Variants in SYNDIG1L observed in about 807,000 individuals in gnomAD.
SYNDIG1L encodes synapse differentiation inducing 1 like.
In SYNDIG1L, 13 loss-of-function variants were observed where a neutral mutation model predicts 20.1. The observed-to-expected ratio is 0.65, with a 90% confidence interval of 0.42 to 1.03. The LOEUF (loss-of-function observed/expected upper bound fraction) is 1.03, where lower values mean the gene tolerates loss of function less well. Among genes scored for constraint, SYNDIG1L ranks in the 50% least tolerant of loss-of-function variants. SYNDIG1L has a pLI of 0.00. For synonymous variants in SYNDIG1L, 128 were observed against 129.3 expected, an observed-to-expected ratio of 0.99 and a Z score of 0.07; for missense variants, 294 against 305.1, an observed-to-expected ratio of 0.96 and a Z score of 0.27.
chr14:74,468,000 G>A, the SYNDIG1L span, among the ~76,000 whole-genome samples: 2 of 152,100 alleles, frequency 1.3e-5, no homozygotes, highest in East Asian at 3.9e-4. Context: ...GTGCAGCTTA[G>A]AGTGAGATCC....
rs115113486 is a variant in SYNDIG1L, at chr14:74,421,110, A to G, written c.-58+4802T>C. On this transcript the variant is annotated intron_variant, in intron 1 of 3. Transcript: ENST00000331628. ...TCAAGTTACAGAAAAAAAACTTTGA[A>G]AAAAAATTTTTTGAATTCATATCCT... is the stretch of plus-strand genomic sequence containing the variant. Among the ~76,000 whole-genome samples, 805 of 152,342 alleles carry G rather than the reference A, an allele frequency of 5.3e-3. 5 individuals carry two copies. The highest frequency in any genetic ancestry group is 0.018 in the African/African-American group (767 of 41,588).
At chr14:74,451,863 G>A in the SYNDIG1L span, among the ~76,000 whole-genome samples, 409 of 151,660 alleles carry the variant, frequency 2.7e-3, 4 homozygotes, top group South Asian at 0.018. Context: ...GGTGGCACGC[G>A]TCTATAGTCC....
the SYNDIG1L span, chr14:74,474,732 T>A: frequency 6.6e-6 from 1 of 152,278 alleles, no homozygotes; most frequent in Non-Finnish European, 1.5e-5. Context: ...GCCCTGGCCC[T>A]GCTCTGGAGC....
the SYNDIG1L span, chr14:74,474,623 T>C: frequency 6.6e-6 from 1 of 152,332 alleles, no homozygotes; most frequent in Non-Finnish European, 1.5e-5. Flanking sequence ...GGAGGAGCCA[T>C]TTCTGCCTGA....
chr14:74,437,191 C>T, the SYNDIG1L span, among the ~76,000 whole-genome samples: 1 of 152,220 alleles, frequency 6.6e-6, no homozygotes, highest in Non-Finnish European at 1.5e-5. Context: ...GCTCTGATGT[C>T]CTGGGACCTC....
At chr14:74,455,394 CTTTTTTTTT>C in the SYNDIG1L span, among the ~76,000 whole-genome samples, 2 of 123,770 alleles carry the variant, frequency 1.6e-5, no homozygotes, top group African/African-American at 6.4e-5. Flanking sequence ...CTTCCCCAAT[CTTTTTTTTT>C]TTTTTTTTTT....
At chr14:74,437,883 C>A in the SYNDIG1L span, among the ~76,000 whole-genome samples, 209 of 152,264 alleles carry the variant, frequency 1.4e-3, no homozygotes, top group Admixed American at 4.5e-3. Flanking sequence ...TACTATAGGG[C>A]CCCCAAACCT....
the SYNDIG1L span, among the ~76,000 whole-genome samples, chr14:74,467,375 G>C: frequency 6.6e-6 from 1 of 152,142 alleles, no homozygotes; most frequent in Non-Finnish European, 1.5e-5. Flanking sequence ...GGGCTGAGAA[G>C]GGGCAATGTC....
the SYNDIG1L span, among the ~76,000 whole-genome samples, chr14:74,433,791 A>C: frequency 8.5e-5 from 13 of 152,332 alleles, no homozygotes; most frequent in African/African-American, 2.4e-4. Context: ...ATGGCTTGTA[A>C]GGACAGAGCC....
At chr14:74,442,928 G>A in the SYNDIG1L span, among the ~76,000 whole-genome samples, 324 of 152,340 alleles carry the variant, frequency 2.1e-3, 2 homozygotes, top group Admixed American at 4.1e-3. Context: ...TCCCAGAGGA[G>A]CAGCAGGTAT....
At chr14:74,448,686 C>T in the SYNDIG1L span, among the ~76,000 whole-genome samples, 1 of 152,092 alleles carries the variant, frequency 6.6e-6, no homozygotes, top group African/African-American at 2.4e-5. Flanking sequence ...AGTGTGTTCT[C>T]TGATCATAAT....
At chr14:74,477,039 A>AGC in the SYNDIG1L span, among the ~76,000 whole-genome samples, 1 of 97,074 alleles carries the variant, frequency 1.0e-5, no homozygotes, top group African/African-American at 4.7e-5. Context: ...CCCCATTCCC[A>AGC]ACACACACAC....
At chr14:74,472,307 C>T in the SYNDIG1L span, 1 of 152,196 alleles carries the variant, frequency 6.6e-6, no homozygotes, top group African/African-American at 2.4e-5. Flanking sequence ...TCTTTCTGCA[C>T]ATTTCTTACA....
chr14:74,406,479 T>C lies in SYNDIG1L; in HGVS notation c.*1056A>G, dbSNP rs2240623. On this transcript the variant is annotated 3_prime_UTR_variant, in exon 4 of 4. Transcript: ENST00000331628. ...CAAAGAGTTATGTGACCAAATCCCT[T>C]AGATGAATTCTATTCATCCTAGGAC... 105,907 of 166,932 alleles carry C rather than the reference T, an allele frequency of 0.63. 33,681 individuals carry two copies. The highest frequency in any genetic ancestry group is 0.66 in the Admixed American group (10,444 of 15,708). 10.3% of individuals were successfully genotyped at this position (166,932 alleles called of 1,614,324 possible).
intron 1 of SYNDIG1L, among the ~76,000 whole-genome samples, chr14:74,420,938 A>G (rs578103541): frequency 2.6e-4 from 39 of 152,320 alleles, no homozygotes; most frequent in African/African-American, 8.9e-4. Context: ...GAGGAAATTC[A>G]TACTAGCTGC....
At chr14:74,414,817 C>T (rs191266433) in intron 1 of SYNDIG1L, among the ~76,000 whole-genome samples, 1 of 152,200 alleles carries the variant, frequency 6.6e-6, no homozygotes, top group Non-Finnish European at 1.5e-5. Context: ...TCAGCTGGGG[C>T]AGACTAAGTC....
the SYNDIG1L span, among the ~76,000 whole-genome samples, chr14:74,444,387 C>T: frequency 1.3e-5 from 2 of 151,600 alleles, no homozygotes; most frequent in Non-Finnish European, 2.9e-5. Flanking sequence ...TTTATAAGTT[C>T]AATTTTTACA....
the SYNDIG1L span, among the ~76,000 whole-genome samples, chr14:74,453,514 T>C: frequency 7.3e-3 from 1,107 of 152,088 alleles, 12 homozygotes; most frequent in African/African-American, 0.024. Context: ...GTGTGTTTGT[T>C]ATTATGGTGA....
the SYNDIG1L span, among the ~76,000 whole-genome samples, chr14:74,457,512 C>G: frequency 6.6e-6 from 1 of 151,934 alleles, no homozygotes; most frequent in Non-Finnish European, 1.5e-5. Flanking sequence ...TCCAGAGATG[C>G]TGCCATCCAT....
Sources: allele counts gnomAD v4.1 joint callset (sites outside exome capture counted in the v4.1 genomes callset), GRCh38; gene constraint gnomAD v4.1.1; transcripts MANE v1.5; gene names NCBI Gene and HGNC (gene_info 2026-07-23, HGNC 2026-07-21).